Variants in CDC34 observed in about 807,000 individuals in gnomAD.
CDC34 encodes the protein ubiquitin-conjugating enzyme E2 R1.
In CDC34, 18 loss-of-function variants were observed where a neutral mutation model predicts 26.8. The ratio of observed to expected loss-of-function variants is 0.67; its 90% confidence interval spans 0.47 to 1.00. The LOEUF (loss-of-function observed/expected upper bound fraction) is 1.00. Ranked by LOEUF, CDC34 falls within the 50% of genes least tolerant of loss-of-function variation. CDC34 has a pLI of 0.00. For missense variants in CDC34, 280 were observed against 334.5 expected (o/e 0.84, Z 1.27); for synonymous variants, 178 against 147.5 (o/e 1.21, Z -1.50).
intron 1 of CDC34, 38 bp from the exon 2 acceptor site, chr19:535,799 C>T: frequency 1.3e-6 from 2 of 1,530,212 alleles, no homozygotes; most frequent in Non-Finnish European, 1.8e-6. Flanking sequence ...GGTCTTGGGG[C>T]TGGGCTGGAC....
At chr19:535,683 G>T (rs928697347) in intron 1 of CDC34, among the ~76,000 whole-genome samples, 154 bp from the exon 2 acceptor site, 22 of 152,226 alleles carry the variant, frequency 1.4e-4, no homozygotes, top group African/African-American at 5.1e-4. Context: ...TTGACCCCAG[G>T]CCTGTGAGAG....
intron 4 of CDC34, 92 bp from the exon 5 acceptor site, chr19:541,247 G>T (rs916881106): frequency 1.9e-5 from 27 of 1,430,996 alleles, no homozygotes; most frequent in Non-Finnish European, 2.2e-5. Flanking sequence ...AAACCTGAGC[G>T]TTGGGGTGAG....
At chr19:539,799 C>T (rs1979928161) in intron 4 of CDC34, among the ~76,000 whole-genome samples, 1 of 152,210 alleles carries the variant, frequency 6.6e-6, no homozygotes, top group Non-Finnish European at 1.5e-5. Context: ...GCTTCCAGTC[C>T]TGGGGGGACA....
chr19:535,061 T>G (rs549493422), intron 1 of CDC34, among the ~76,000 whole-genome samples: 4 of 152,232 alleles, frequency 2.6e-5, no homozygotes, highest in Non-Finnish European at 5.9e-5. Context: ...GTTTACCTGC[T>G]GTGGCCCAGG....
Position 541,770 on chromosome 19 carries a change from C to G in CDC34, c.*218C>G, listed in dbSNP as rs541634763. 6.8e-6 allele frequency: 3 copies of G among 441,944 alleles called. No homozygotes were observed. Among genetic ancestry groups the G allele is most frequent in the Admixed American group, 4.2e-5 (1 of 24,064 alleles). 27.4% of individuals were successfully genotyped at this position (441,944 alleles called of 1,614,324 possible). ...CTCACGTCACTCGGGGCTCGGTGGA[C>G]GGGCCCAGGGTGGGAGCGGCCGGCC... On this transcript the variant is annotated 3_prime_UTR_variant, in exon 5 of 5. Coordinates refer to ENST00000215574, the MANE Select transcript of CDC34 (RefSeq NM_004359.2).
chr19:539,037 C>T (rs1568331696), intron 4 of CDC34: 2 of 981,360 alleles, frequency 2.0e-6, no homozygotes, highest in Non-Finnish European at 2.4e-6. Context: ...TCCCTCAAAA[C>T]TCCCTGTGGG....
chr19:541,086 C>T (rs1020967621), intron 4 of CDC34: 18 of 447,914 alleles, frequency 4.0e-5, no homozygotes, highest in East Asian at 1.4e-4. Context: ...TGCTTCGGGG[C>T]GGGGCAGGCG....
chr19:541,065 C>T (rs955471895), intron 4 of CDC34, among the ~76,000 whole-genome samples: 2 of 152,226 alleles, frequency 1.3e-5, no homozygotes, highest in Admixed American at 6.5e-5. Flanking sequence ...CCTGATGGGT[C>T]CCTTGGGTTG....
intron 1 of CDC34, among the ~76,000 whole-genome samples, chr19:533,288 G>T (rs1301749926): frequency 6.6e-6 from 1 of 152,158 alleles, no homozygotes; most frequent in Non-Finnish European, 1.5e-5. Context: ...TGCAGGGCCC[G>T]GCCCGCTCTG....
Position 536,402 on chromosome 19 carries a change from A to C in CDC34, c.362+62A>C, listed in dbSNP as rs527637452. On this transcript the variant is annotated intron_variant, in intron 3 of 4. Coordinates refer to ENST00000215574, the MANE Select transcript of CDC34 (RefSeq NM_004359.2). ...TCAGGTAGGCCGGGCTCCGTCCCGT[A>C]TCCACCCAGACCATCAGGTAGGCCG... is the stretch of plus-strand genomic sequence containing the variant. 34 of 1,272,830 alleles carry C rather than the reference A, an allele frequency of 2.7e-5. No individual in the cohort carries two copies. In the Admixed American group the frequency reaches 5.9e-4, roughly 22 times the overall value. The allele number at this position is 1,272,830 out of a possible 1,614,324, so 78.8% of individuals were successfully genotyped here.
chr19:533,837 C>T (rs1392979507), intron 1 of CDC34, among the ~76,000 whole-genome samples: 1 of 152,230 alleles, frequency 6.6e-6, no homozygotes, highest in Non-Finnish European at 1.5e-5. Context: ...GAGGACTCTC[C>T]CTTCCCGCTG....
In CDC34 at chr19:533,350, A is replaced by G. The variant is rs149323266; in HGVS notation, c.177+1242A>G. 1.3e-4 allele frequency among the ~76,000 whole-genome samples: 20 copies of G among 152,268 alleles called. No individual in the cohort carries two copies. In the East Asian group the frequency reaches 3.9e-3, roughly 29 times the overall value. On this transcript the variant is annotated intron_variant, in intron 1 of 4. Coordinates refer to ENST00000215574, the MANE Select transcript of CDC34 (RefSeq NM_004359.2). Reference sequence around the variant, plus strand: ...GAGGGACCGATGCCTCCCGCACGATATGTGTCTGCTCTCCGAGCTAATTAG... The same window carrying G: ...GAGGGACCGATGCCTCCCGCACGATGTGTGTCTGCTCTCCGAGCTAATTAG...
At chr19:537,190 C>T (rs762945659) in intron 4 of CDC34, 43 bp downstream of exon 4, 12 of 1,603,376 alleles carry the variant, frequency 7.5e-6, no homozygotes, top group South Asian at 4.4e-5. Flanking sequence ...GACTCAGATC[C>T]GGCCTGCACC....
Position 535,935 on chromosome 19 carries a change from C to T in CDC34, c.264+12C>T. ...CTAACATCTACGAGGTGAGCGCGGC[C>T]CCCACGGGCCTCAAGTCCTCATCCT... On this transcript the variant is annotated intron_variant, in intron 2 of 4. Coordinates refer to ENST00000215574, the MANE Select transcript of CDC34 (RefSeq NM_004359.2). 6.2e-7 allele frequency: 1 copy of T among 1,610,224 alleles called. No homozygotes were observed. Among genetic ancestry groups the T allele is most frequent in the African/African-American group, 1.3e-5 (1 of 74,988 alleles).
rs186064309 is a variant in CDC34 at position 537,416 on chromosome 19, G to A, written c.497+269G>A. 1.2e-3 allele frequency among the ~76,000 whole-genome samples: 188 copies of A among 152,156 alleles called. 1 individual carries two copies. Among genetic ancestry groups the A allele is most frequent in the African/African-American group, 4.1e-3 (172 of 41,502 alleles). ...CACCCAGGCTGGAGTGCAGTGGCGC[G>A]ATCTCGGCTCACTGCAAGCTCCGCC... On this transcript the variant is annotated intron_variant, in intron 4 of 4. Transcript: ENST00000215574.
rs1030876160 is a variant in CDC34 at position 531,836 on chromosome 19, T to TC, written c.-89dup. 17 of 706,432 alleles carry TC rather than the reference T, an allele frequency of 2.4e-5. No individual in the cohort carries two copies. The highest frequency in any genetic ancestry group is 1.3e-4 in the South Asian group (2 of 15,516). The allele number at this position is 706,432 out of a possible 1,614,324, so 43.8% of individuals were successfully genotyped here. A position where few individuals can be genotyped will look rare whatever the true frequency, so the allele number is the denominator to read the frequency against. ...GGAGGCAGGCGGCGGCCCCGGTGGCTCCCCCCCGGACGGTGCGCGGCCCGG... is the reference window on the plus strand; with the variant it reads ...GGAGGCAGGCGGCGGCCCCGGTGGCTCCCCCCCCGGACGGTGCGCGGCCCGG... On this transcript the variant is annotated 5_prime_UTR_variant, in exon 1 of 5. Transcript: ENST00000215574.
Position 541,915 on chromosome 19 carries a change from T to G in CDC34, c.*363T>G. On this transcript the variant is annotated 3_prime_UTR_variant, in exon 5 of 5. Coordinates refer to ENST00000215574, the MANE Select transcript of CDC34 (RefSeq NM_004359.2). Reference sequence around the variant, plus strand: ...GCTGGGAACGTGGGCGGGGGGCCGTTTCCTGACACTACCAGCCTGGGAGGC... The same window carrying G: ...GCTGGGAACGTGGGCGGGGGGCCGTGTCCTGACACTACCAGCCTGGGAGGC... 1 of 178,706 alleles carries G rather than the reference T, an allele frequency of 5.6e-6. No individual in the cohort carries two copies. Among genetic ancestry groups the G allele is most frequent in the Non-Finnish European group, 1.2e-5 (1 of 84,682 alleles). 11.1% of individuals were successfully genotyped at this position (178,706 alleles called of 1,614,324 possible).
At chr19:535,780 G>A in intron 1 of CDC34, 57 bp from the exon 2 acceptor site, 3 of 1,375,186 alleles carry the variant, frequency 2.2e-6, no homozygotes, top group Non-Finnish European at 2.1e-6. Context: ...CACCTTGTGA[G>A]CTGGGGCAGG....
chr19:541,315 C>G (rs768821520), intron 4 of CDC34, 24 bp from the exon 5 acceptor site: 1 of 1,519,958 alleles, frequency 6.6e-7, no homozygotes, highest in Non-Finnish European at 8.8e-7. Context: ...GTGGGTGGCG[C>G]CCTCACCCAC....
Sources: allele counts gnomAD v4.1 joint callset (sites outside exome capture counted in the v4.1 genomes callset), GRCh38; gene constraint gnomAD v4.1.1; transcripts MANE v1.5; gene names NCBI Gene and HGNC (gene_info 2026-07-23, HGNC 2026-07-21).